Variants in NME7 observed in about 807,000 individuals in gnomAD.
NME7 encodes nucleoside diphosphate kinase 7.
In NME7, 41 loss-of-function variants were observed where a neutral mutation model predicts 49.1. The ratio of observed to expected loss-of-function variants is 0.83; its 90% CI spans 0.65 to 1.08. NME7 has a LOEUF of 1.08. Among genes scored for constraint, NME7 ranks in the 50% least tolerant of loss-of-function variants. The pLI, the probability that NME7 is intolerant of heterozygous loss-of-function variation, is 0.00. For missense variants in NME7, 423 were observed against 463.4 expected, an observed-to-expected ratio of 0.91 and a Z score of 0.80; for synonymous variants, 139 against 150.6, an observed-to-expected ratio of 0.92 and a Z score of 0.56.
At chr1:169,313,005 C>A (rs566458480) in intron 3 of NME7, among the ~76,000 whole-genome samples, 1 of 151,974 alleles carries the variant, frequency 6.6e-6, no homozygotes, top group South Asian at 2.1e-4. Context: ...ATATCTGCCC[C>A]ATGGATAAAG....
intron 7 of NME7, among the ~76,000 whole-genome samples, chr1:169,251,563 T>C (rs888091420): frequency 2.7e-5 from 3 of 111,578 alleles, no homozygotes; most frequent in Non-Finnish European, 3.7e-5. Flanking sequence ...TTTTTTTTCT[T>C]TTTTTTTTTA....
At chr1:169,196,572 A>G (rs1384418154) in intron 10 of NME7, among the ~76,000 whole-genome samples, 1 of 152,224 alleles carries the variant, frequency 6.6e-6, no homozygotes, top group East Asian at 1.9e-4. Flanking sequence ...TAGTTTTAGA[A>G]AAGAACCACA....
intron 6 of NME7, among the ~76,000 whole-genome samples, chr1:169,288,687 C>T (rs915252552): frequency 1.3e-5 from 2 of 152,092 alleles, no homozygotes; most frequent in African/African-American, 4.8e-5. Context: ...AGTGGTAAGA[C>T]ACTAGAATAA....
Position 169,324,475 on chromosome 1 carries a change from A to G in NME7, c.29T>C (p.Ile10Thr), listed in dbSNP as rs1009960238. Reference sequence around the variant, plus strand: ...AGCATTTGGATCATACCACTCTGCAATGAAAACGAATCTTTCACTATGATT... The same window carrying G: ...AGCATTTGGATCATACCACTCTGCAGTGAAAACGAATCTTTCACTATGATT... MNHSERFVF[I>T]AEWYDPNASL... is the part of the protein sequence containing the mutation. The change falls in exon 2 of 12, where the codon ATT becomes ACT. Residue 10 changes from isoleucine (I) to threonine (T), a missense_variant. Ile to Thr is a moderately conservative substitution (Grantham distance 89, BLOSUM62 -1). Coordinates refer to ENST00000367811, the MANE Select transcript of NME7 (RefSeq NM_013330.5). 6.2e-7 allele frequency: 1 copy of G among 1,611,192 alleles called. No individual in the cohort carries two copies. The highest frequency in any genetic ancestry group is 2.2e-5 in the East Asian group (1 of 44,794).
intron 1 of NME7, among the ~76,000 whole-genome samples, chr1:169,329,721 G>C (rs1344582387): frequency 6.6e-6 from 1 of 152,098 alleles, no homozygotes; most frequent in African/African-American, 2.4e-5. Flanking sequence ...GCAAATCTAA[G>C]TTATTGGTCT....
At position 169,132,809 on chromosome 1, in the gene NME7, G is replaced by A. The variant is rs201176827; in HGVS notation, c.1107C>T (p.Tyr369=). Residue 369 remains tyrosine, a synonymous_variant, in exon 12 of 12, where the codon TAC becomes TAT. Transcript: ENST00000367811. ...ACTAATTATCCAAGATCTTGAAGAA[G>A]TATTGAACCTGAAACGGAGAAACAC... ...LPEDGLLEVQ[Y]FFKILDN is the part of the protein sequence containing the mutation. 17 of 1,613,036 alleles carry A rather than the reference G, an allele frequency of 1.1e-5. No individual in the cohort carries two copies. In the East Asian group the frequency reaches 3.8e-4, roughly 36 times the overall value.
chr1:169,325,378 G>A (rs1365253373), intron 1 of NME7, among the ~76,000 whole-genome samples: 1 of 152,080 alleles, frequency 6.6e-6, no homozygotes, highest in Non-Finnish European at 1.5e-5. Flanking sequence ...AAGCAGCAGT[G>A]GATTTCAGAG....
At chr1:169,359,969 G>A (rs142152978) in intron 1 of NME7, among the ~76,000 whole-genome samples, 187 of 152,236 alleles carry the variant, frequency 1.2e-3, no homozygotes, top group African/African-American at 4.2e-3. Context: ...TTTAAATATT[G>A]ACAACTTTGG....
chr1:169,289,183 T>C (rs1439454823), intron 6 of NME7, among the ~76,000 whole-genome samples: 1 of 152,120 alleles, frequency 6.6e-6, no homozygotes, highest in African/African-American at 2.4e-5. Context: ...ACCAACAGTA[T>C]TTGACACAGT....
At chr1:169,234,650 A>G (rs968489464) in intron 9 of NME7, among the ~76,000 whole-genome samples, 4 of 152,114 alleles carry the variant, frequency 2.6e-5, no homozygotes, top group African/African-American at 9.6e-5. Context: ...AGGTTTAAAG[A>G]AGGTAAATAA....
chr1:169,259,974 C>T (rs751018622), intron 7 of NME7, among the ~76,000 whole-genome samples: 1 of 133,448 alleles, frequency 7.5e-6, no homozygotes, highest in Non-Finnish European at 1.8e-5. Context: ...GATAACAAGG[C>T]TGTTCTTCAA....
At chr1:169,323,028 C>T in intron 3 of NME7, 89 bp downstream of exon 3, 1 of 1,068,408 alleles carries the variant, frequency 9.4e-7, no homozygotes, top group Non-Finnish European at 1.3e-6. Context: ...TATCCATCCT[C>T]ATATGGTTAC....
intron 11 of NME7, among the ~76,000 whole-genome samples, chr1:169,133,086 T>C (rs1658294976): frequency 6.7e-6 from 1 of 149,556 alleles, no homozygotes; most frequent in African/African-American, 2.4e-5. Context: ...TAGACATATG[T>C]GTTAAAAAAA....
intron 7 of NME7, among the ~76,000 whole-genome samples, chr1:169,239,302 G>A (rs576230895): frequency 1.6e-4 from 25 of 152,106 alleles, no homozygotes; most frequent in African/African-American, 4.8e-4. Flanking sequence ...GCTTCAAAGC[G>A]TGGATGGCAG....
At chr1:169,175,438 T>A (rs1227706433) in intron 10 of NME7, among the ~76,000 whole-genome samples, 1 of 152,162 alleles carries the variant, frequency 6.6e-6, no homozygotes, top group Non-Finnish European at 1.5e-5. Context: ...AACATAGTCA[T>A]TTATTATCAT....
At chr1:169,144,757 G>A (rs1658701478) in intron 11 of NME7, among the ~76,000 whole-genome samples, 1 of 152,146 alleles carries the variant, frequency 6.6e-6, no homozygotes, top group African/African-American at 2.4e-5. Flanking sequence ...GCCAGGCACT[G>A]TGGCGTGCAC....
At chr1:169,218,560 C>A (rs541919342) in intron 10 of NME7, among the ~76,000 whole-genome samples, 2 of 151,934 alleles carry the variant, frequency 1.3e-5, no homozygotes, top group African/African-American at 4.8e-5. Context: ...AGACCAAAAC[C>A]CTGTCTCAGA....
chr1:169,329,109 A>G (rs1303703036), intron 1 of NME7, among the ~76,000 whole-genome samples: 1 of 152,140 alleles, frequency 6.6e-6, no homozygotes, highest in African/African-American at 2.4e-5. Flanking sequence ...AGTATTCAAA[A>G]TAGCTCTGCT....
At position 169,205,806 on chromosome 1, in the gene NME7, C is replaced by T. The variant is rs562328027; in HGVS notation, c.990+24912G>A. Among the ~76,000 whole-genome samples the T allele has an allele frequency of 2.0e-5, 3 of 152,254 alleles. No homozygotes were observed. In the South Asian group the frequency reaches 6.2e-4, roughly 32 times the overall value. ...GTCCCCTTCTTACTCAGAGTAAAAG[C>T]TAAAGTATTTTCAGCAGCTTTCCAC... On this transcript the variant is annotated intron_variant, in intron 10 of 11. Transcript: ENST00000367811.
Sources: allele counts gnomAD v4.1 joint callset (sites outside exome capture counted in the v4.1 genomes callset), GRCh38; gene constraint gnomAD v4.1.1; transcripts MANE v1.5; gene names NCBI Gene and HGNC (gene_info 2026-07-23, HGNC 2026-07-21).